Variants in DNAH8 observed in about 807,000 individuals in gnomAD.
DNAH8 encodes the protein axonemal beta dynein heavy chain 8.
DNAH8 carries 382 observed loss-of-function variants against 562.1 expected under a neutral mutation model. The observed-to-expected ratio is 0.68, with a 90% CI of 0.63 to 0.74. DNAH8 has a LOEUF of 0.74. Among genes scored for constraint, DNAH8 ranks in the 30% least tolerant of loss-of-function variants. The pLI, the probability that DNAH8 is intolerant of heterozygous loss-of-function variation, is 0.00. For synonymous variants in DNAH8, 1,881 were observed against 1,919.4 expected, an observed-to-expected ratio of 0.98 and a Z score of 0.52; for missense variants, 5,203 against 5,620.4, an observed-to-expected ratio of 0.93 and a Z score of 2.37.
At chr6:38,767,207 C>T (rs986700581) in intron 11 of DNAH8, among the ~76,000 whole-genome samples, 2 of 152,070 alleles carry the variant, frequency 1.3e-5, no homozygotes, top group Non-Finnish European at 2.9e-5. Context: ...GAGGCTGAGG[C>T]GGGCAGATCA....
At chr6:39,026,282 G>T (rs1184023616) in intron 91 of DNAH8, among the ~76,000 whole-genome samples, 1 of 152,122 alleles carries the variant, frequency 6.6e-6, no homozygotes. Flanking sequence ...GAAATCTCAG[G>T]AGAGTTTCAA....
intron 27 of DNAH8, 108 bp from the exon 28 acceptor site, chr6:38,823,454 T>G (rs111921343): frequency 2.1e-5 from 17 of 806,846 alleles, no homozygotes; most frequent in African/African-American, 1.5e-4. Flanking sequence ...ACTGGCCCCA[T>G]TGCACACACA....
intron 32 of DNAH8, among the ~76,000 whole-genome samples, chr6:38,836,053 G>GA (rs879455783): frequency 6.6e-6 from 1 of 152,072 alleles, no homozygotes; most frequent in Non-Finnish European, 1.5e-5. Flanking sequence ...AAGCAGAATT[G>GA]ACGGGCCTGA....
chr6:38,801,285 A>G (rs528042316), intron 21 of DNAH8, among the ~76,000 whole-genome samples: 1 of 152,230 alleles, frequency 6.6e-6, no homozygotes, highest in Admixed American at 6.5e-5. Context: ...CAGTTGTCCC[A>G]GTACCAGTTG....
intron 6 of DNAH8, 86 bp from the exon 7 acceptor site, chr6:38,737,723 A>G (rs1226422328): frequency 5.1e-6 from 3 of 586,416 alleles, no homozygotes; most frequent in African/African-American, 2.0e-5. Context: ...ACTTCTTACT[A>G]TTAAATATTA....
intron 60 of DNAH8, 86 bp downstream of exon 60, chr6:38,896,311 T>TTATAGCAACTCCA: frequency 8.8e-7 from 1 of 1,134,672 alleles, no homozygotes; most frequent in South Asian, 1.5e-5. Flanking sequence ...TACCATGGAG[T>TTATAGCAACTCCA]TGCTATAATT....
At chr6:39,021,338 C>A (rs1766906273) in intron 91 of DNAH8, among the ~76,000 whole-genome samples, 1 of 149,334 alleles carries the variant, frequency 6.7e-6, no homozygotes, top group Admixed American at 6.7e-5. Context: ...TTTAGTACAT[C>A]CCCCTCCTCA....
intron 82 of DNAH8, among the ~76,000 whole-genome samples, chr6:38,954,244 C>T (rs1234644185): frequency 1.3e-5 from 2 of 152,030 alleles, no homozygotes; most frequent in Admixed American, 6.5e-5. Context: ...AGGGAGGTCT[C>T]AGAGGAAGGA....
intron 4 of DNAH8, among the ~76,000 whole-genome samples, chr6:38,733,238 A>AGAATTTT: frequency 1.2e-5 from 1 of 86,954 alleles, no homozygotes; most frequent in Non-Finnish European, 3.4e-5. Flanking sequence ...ATTGCTGCAA[A>AGAATTTT]TAGAAGGCTG....
chr6:38,988,800 T>C (rs1445285065), intron 87 of DNAH8, among the ~76,000 whole-genome samples: 2 of 152,228 alleles, frequency 1.3e-5, no homozygotes, highest in East Asian at 3.8e-4. Context: ...GCTCCAAAAA[T>C]CACCTCCTTG....
At chr6:38,726,874 T>C (rs1763266119) in intron 3 of DNAH8, among the ~76,000 whole-genome samples, 1 of 134,660 alleles carries the variant, frequency 7.4e-6, no homozygotes, top group East Asian at 2.1e-4. Context: ...TTTTTTTTTT[T>C]TGAGACAGAG....
chr6:38,834,476 A>T (rs938429652), intron 31 of DNAH8, 103 bp from the exon 32 acceptor site: 10 of 751,584 alleles, frequency 1.3e-5, no homozygotes, highest in Admixed American at 2.8e-5. Flanking sequence ...AATTTAAATT[A>T]AAAAAATGCT....
rs778986638 is a variant in DNAH8, at chr6:38,894,694, T to A, written c.8584-7T>A. The stretch of plus-strand genomic sequence containing the variant: ...TAACTGAGAGTATTACATTTTTTCA[T>A]CTCTAGGTGAAGATGCTGCCAACTC... On this transcript the variant is annotated splice_region_variant and splice_polypyrimidine_tract_variant and intron_variant, in intron 58 of 92. Transcript: ENST00000327475. The A allele has an allele frequency of 4.3e-6, 7 of 1,611,118 alleles. No individual in the cohort carries two copies. The highest frequency in any genetic ancestry group is 4.2e-6 in the Non-Finnish European group (5 of 1,177,648).
rs200056261 is a variant in DNAH8 at position 38,850,300 on chromosome 6, A to T, written c.5249A>T (p.Gln1750Leu). The T allele has an allele frequency of 8.7e-6, 14 of 1,613,582 alleles. No homozygotes were observed. The highest frequency in any genetic ancestry group is 1.3e-5 in the African/African-American group (1 of 74,900). Residue 1750 changes from glutamine (Q) to leucine (L), a missense_variant, in exon 38 of 93, where the codon CAG (glutamine) becomes CTG (leucine). Coordinates refer to ENST00000327475, the MANE Select transcript of DNAH8 (RefSeq NM_001206927.2). ...NIDKSWIKIM[Q>L]RAHENPNVIN... ...GACAAGTCTTGGATAAAAATAATGCAGCGAGCTCATGAGAATCCCAATGTG... is the reference window on the plus strand; with the variant it reads ...GACAAGTCTTGGATAAAAATAATGCTGCGAGCTCATGAGAATCCCAATGTG...
chr6:38,757,925 C>CTATAGTTTGAAGTATAGT (rs1766087845), intron 10 of DNAH8, among the ~76,000 whole-genome samples: 1 of 152,110 alleles, frequency 6.6e-6, no homozygotes, highest in Non-Finnish European at 1.5e-5. Flanking sequence ...TTACTGTAGC[C>CTATAGTTTGAAGTATAGT]TTGTAGTATA....
At chr6:39,029,601 A>G (rs1041351932) in intron 92 of DNAH8, among the ~76,000 whole-genome samples, 1 of 152,194 alleles carries the variant, frequency 6.6e-6, no homozygotes, top group Non-Finnish European at 1.5e-5. Context: ...TGGCTCTACC[A>G]TGCCTGGCCT....
chr6:38,917,159 T>C, intron 68 of DNAH8, 80 bp from the exon 69 acceptor site: 1 of 1,006,058 alleles, frequency 9.9e-7, no homozygotes, highest in African/African-American at 1.7e-5. Context: ...TCTATCTTAA[T>C]TATTGAAAAG....
intron 33 of DNAH8, among the ~76,000 whole-genome samples, chr6:38,840,300 A>C (rs1012148934): frequency 6.6e-6 from 1 of 152,196 alleles, no homozygotes; most frequent in African/African-American, 2.4e-5. Context: ...AATATTGAAG[A>C]CTTTACTTTT....
At chr6:38,778,084 T>C (rs1182495378) in intron 13 of DNAH8, among the ~76,000 whole-genome samples, 2 of 152,246 alleles carry the variant, frequency 1.3e-5, no homozygotes, top group African/African-American at 4.8e-5. Context: ...AATATTTTAA[T>C]GTCATTAATA....
Sources: gnomAD v4.1 joint callset for allele counts (sites outside exome capture counted in the v4.1 genomes callset) on GRCh38, gnomAD v4.1.1 for gene constraint, MANE v1.5 for transcripts, NCBI Gene and HGNC (gene_info 2026-07-23, HGNC 2026-07-21) for gene names.